UBE2F: variants seen among roughly 807,000 people sequenced by gnomAD.
UBE2F encodes the protein NEDD8-conjugating enzyme UBE2F.
A neutral mutation model predicts 29.6 loss-of-function variants in UBE2F; 5 were observed. The ratio of observed to expected loss-of-function variants is 0.17; its 90% CI spans 0.09 to 0.36. UBE2F has a LOEUF of 0.36. Among genes scored for constraint, UBE2F ranks in the 10% least tolerant of loss-of-function variants. The pLI is 1.00. For synonymous variants in UBE2F, 66 were observed against 81.8 expected, an observed-to-expected ratio of 0.81 and a Z score of 1.04; for missense variants, 141 against 228.5, an observed-to-expected ratio of 0.62 and a Z score of 2.47.
At chr2:238,030,675 C>T in intron 7 of UBE2F, 62 bp downstream of exon 7, 1 of 1,293,222 alleles carries the variant, frequency 7.7e-7, no homozygotes, top group East Asian at 2.4e-5. Flanking sequence ...CTGCAGTAGC[C>T]AGCCTCCCGA....
intron 9 of UBE2F, among the ~76,000 whole-genome samples, chr2:238,039,772 C>G (rs547745995): frequency 6.6e-6 from 1 of 152,146 alleles, no homozygotes; most frequent in East Asian, 1.9e-4. Context: ...GCATGGACGC[C>G]GGGCTCTATG....
chr2:237,973,878 T>C (rs2063221153), intron 2 of UBE2F: 1 of 259,292 alleles, frequency 3.9e-6, no homozygotes, highest in Non-Finnish European at 6.6e-6. Flanking sequence ...TCTTAAAATT[T>C]TCAAGTGCTT....
chr2:237,973,020 T>C (rs1046712784), intron 1 of UBE2F, 72 bp from the exon 2 acceptor site: 55 of 1,480,952 alleles, frequency 3.7e-5, no homozygotes, highest in Admixed American at 2.5e-4. Flanking sequence ...AAAGCACTTA[T>C]ACATTTTTCT....
intron 9 of UBE2F, among the ~76,000 whole-genome samples, chr2:238,036,915 C>T (rs1326132053): frequency 6.6e-6 from 1 of 152,154 alleles, no homozygotes; most frequent in Non-Finnish European, 1.5e-5. Context: ...CCACCTTATC[C>T]TTCCACACCT....
In UBE2F at chr2:238,041,170, C is replaced by G. The variant is rs1460909981; in HGVS notation, c.508-118C>G. Reference sequence around the variant, plus strand: ...CGCAAGGTCCCAGTCCTTCTACCACCTTGGCGACCACAGGGGACCTTGGTG... The same window carrying G: ...CGCAAGGTCCCAGTCCTTCTACCACGTTGGCGACCACAGGGGACCTTGGTG... On this transcript the variant is annotated intron_variant, in intron 9 of 9. Coordinates refer to ENST00000272930, the MANE Select transcript of UBE2F (RefSeq NM_080678.3). 1.3e-5 allele frequency: 13 copies of G among 964,456 alleles called. No individual in the cohort carries two copies. In the Admixed American group the frequency reaches 2.3e-4, roughly 17 times the overall value. 59.7% of individuals were successfully genotyped at this position (964,456 alleles called of 1,614,324 possible).
chr2:237,988,944 C>T (rs989738630), intron 3 of UBE2F, among the ~76,000 whole-genome samples: 3 of 152,252 alleles, frequency 2.0e-5, no homozygotes, highest in East Asian at 1.9e-4. Flanking sequence ...CTCATGAGCA[C>T]CGTACATTCG....
chr2:238,026,671 G>A (rs2064439126), intron 6 of UBE2F, among the ~76,000 whole-genome samples: 1 of 152,116 alleles, frequency 6.6e-6, no homozygotes, highest in South Asian at 2.1e-4. Flanking sequence ...CTGACCTTGT[G>A]ATCTGCCCGC....
intron 4 of UBE2F, among the ~76,000 whole-genome samples, chr2:238,000,102 G>C (rs186392914): frequency 1.3e-5 from 2 of 152,098 alleles, no homozygotes; most frequent in Admixed American, 6.5e-5. Context: ...GATTACAAGC[G>C]TGAGCCACTG....
At position 238,034,385 on chromosome 2, in the gene UBE2F, G is replaced by A. The variant is rs565698304; in HGVS notation, c.445-1493G>A. Among the ~76,000 whole-genome samples the A allele has an allele frequency of 1.9e-4, 29 of 151,942 alleles. No homozygotes were observed. The South Asian group carries it at 5.0e-3, about 26-fold the overall frequency. Reference sequence around the variant, plus strand: ...GGAGGTTGCAGTGAGCCGAGATCACGCCATTGCATTCCAGGCTGGGCAACA... The same window carrying A: ...GGAGGTTGCAGTGAGCCGAGATCACACCATTGCATTCCAGGCTGGGCAACA... On this transcript the variant is annotated intron_variant, in intron 8 of 9. Transcript: ENST00000272930.
chr2:237,984,224 C>A (rs1343075824), intron 2 of UBE2F, among the ~76,000 whole-genome samples: 1 of 152,200 alleles, frequency 6.6e-6, no homozygotes, highest in African/African-American at 2.4e-5. Flanking sequence ...GAAGCCCCCA[C>A]ACTTTTCTGC....
intron 3 of UBE2F, among the ~76,000 whole-genome samples, chr2:237,993,455 G>A (rs2106351021): frequency 6.6e-6 from 1 of 152,354 alleles, no homozygotes; most frequent in East Asian, 1.9e-4. Flanking sequence ...GCCCATGCCT[G>A]TAATCCTAGC....
intron 9 of UBE2F, among the ~76,000 whole-genome samples, chr2:238,039,012 A>T (rs998557172): frequency 5.3e-5 from 8 of 152,240 alleles, no homozygotes; most frequent in Admixed American, 2.0e-4. Context: ...AGGCAGGCAG[A>T]TCACCTGAGG....
chr2:237,991,673 G>GCT (rs1333557786), intron 3 of UBE2F, among the ~76,000 whole-genome samples: 3 of 134,094 alleles, frequency 2.2e-5, no homozygotes, highest in African/African-American at 8.5e-5. Context: ...CGCGATCTCG[G>GCT]CTCACTGCGA....
At position 238,040,671 on chromosome 2, in the gene UBE2F, C is replaced by T. The variant is rs899035098; in HGVS notation, c.508-617C>T. On this transcript the variant is annotated intron_variant, in intron 9 of 9. Coordinates refer to ENST00000272930, the MANE Select transcript of UBE2F (RefSeq NM_080678.3). The surrounding 1 kb of genome is among the most constrained non-coding windows in gnomAD (Gnocchi z 4.4). ...GTGGCCCAGATCCGAGAAGATTGTTCCACCCATACTGGCCTGGGGTGATTC... is the reference window on the plus strand; with the variant it reads ...GTGGCCCAGATCCGAGAAGATTGTTTCACCCATACTGGCCTGGGGTGATTC... Among the ~76,000 whole-genome samples, 13 of 152,140 alleles carry T rather than the reference C, an allele frequency of 8.5e-5. No homozygotes were observed. Among genetic ancestry groups the T allele is most frequent in the African/African-American group, 3.1e-4 (13 of 41,422 alleles).
At chr2:238,002,063 A>ATTTT (rs10695548) in intron 4 of UBE2F, among the ~76,000 whole-genome samples, 2,077 of 126,140 alleles carry the variant, frequency 0.016, 90 homozygotes, top group African/African-American at 0.027. Flanking sequence ...GAATATCCCA[A>ATTTT]TTTTTTTTTT....
intron 9 of UBE2F, 125 bp downstream of exon 9, chr2:238,036,065 C>A: frequency 1.2e-6 from 1 of 820,300 alleles, no homozygotes; most frequent in Non-Finnish European, 2.0e-6. Flanking sequence ...GGCTGGAATT[C>A]AAAGCAATTT....
chr2:238,032,109 C>T, intron 7 of UBE2F, 113 bp from the exon 8 acceptor site: 1 of 763,308 alleles, frequency 1.3e-6, no homozygotes, highest in Admixed American at 2.7e-5. Flanking sequence ...GAAAAACAAA[C>T]CATGCTAAAG....
intron 2 of UBE2F, among the ~76,000 whole-genome samples, chr2:237,983,552 A>G (rs1214308246): frequency 6.6e-6 from 1 of 152,116 alleles, no homozygotes; most frequent in Non-Finnish European, 1.5e-5. Context: ...GCCTCAGAGT[A>G]GAGCCCTCAG....
intron 2 of UBE2F, among the ~76,000 whole-genome samples, chr2:237,977,346 A>G (rs2063302688): frequency 1.3e-5 from 2 of 152,254 alleles, no homozygotes; most frequent in Non-Finnish European, 2.9e-5. Flanking sequence ...GATAAATGGC[A>G]GTAGAACTCA....
Sources: allele counts gnomAD v4.1 joint callset (sites outside exome capture counted in the v4.1 genomes callset), GRCh38; gene constraint gnomAD v4.1.1; non-coding constraint Gnocchi (gnomAD v3.1); transcripts MANE v1.5; gene names NCBI Gene and HGNC (gene_info 2026-07-23, HGNC 2026-07-21).